Variants in PTPRG observed in about 807,000 individuals in gnomAD.
The protein encoded by PTPRG is receptor-type tyrosine-protein phosphatase gamma.
Under a neutral mutation model 165.3 loss-of-function variants are expected in PTPRG, and 102 were observed. That is an observed-to-expected ratio of 0.62 (90% CI 0.53 to 0.73). PTPRG has a LOEUF of 0.73. Ranked by LOEUF, PTPRG falls within the 30% of genes least tolerant of loss-of-function variation. The probability of loss-of-function intolerance (pLI) is 0.00; values close to 1 mark genes in which losing one functional copy is unlikely to be tolerated. For missense variants in PTPRG, 1,866 were observed against 1,861.4 expected (o/e 1.00, Z -0.05); for synonymous variants, 675 against 669.5 (o/e 1.01, Z -0.13).
chr3:61,792,021 A>C (rs2034891477), intron 2 of PTPRG, among the ~76,000 whole-genome samples: 1 of 152,164 alleles, frequency 6.6e-6, no homozygotes, highest in Non-Finnish European at 1.5e-5. Flanking sequence ...AGTTCTAGAC[A>C]CTGGAATGCC....
chr3:61,928,577 C>T (rs950950272), intron 2 of PTPRG, among the ~76,000 whole-genome samples: 2 of 152,106 alleles, frequency 1.3e-5, no homozygotes, highest in African/African-American at 4.8e-5. Context: ...AGTTTATGAG[C>T]ATTTAAATTA....
At chr3:61,737,366 C>T (rs1214730595) in intron 1 of PTPRG, among the ~76,000 whole-genome samples, 3 of 152,142 alleles carry the variant, frequency 2.0e-5, no homozygotes, top group Non-Finnish European at 4.4e-5. Context: ...AGAGTATATA[C>T]TGTTGAATGC....
chr3:61,708,155 C>T (rs1343536099), intron 1 of PTPRG, among the ~76,000 whole-genome samples: 2 of 151,874 alleles, frequency 1.3e-5, no homozygotes, highest in Admixed American at 1.3e-4. Flanking sequence ...GCTGCTCCTA[C>T]TAACAAAGTA....
At chr3:62,196,525 G>T (rs980982746) in intron 10 of PTPRG, among the ~76,000 whole-genome samples, 1 of 152,178 alleles carries the variant, frequency 6.6e-6, no homozygotes, top group East Asian at 1.9e-4. Context: ...TCTTACTTGC[G>T]CCAACCTAAT....
intron 2 of PTPRG, among the ~76,000 whole-genome samples, chr3:61,785,982 A>G (rs533224546): frequency 6.6e-6 from 1 of 152,080 alleles, no homozygotes; most frequent in Non-Finnish European, 1.5e-5. Context: ...CCCCAGTCAC[A>G]CTTTTTCTGT....
intron 2 of PTPRG, among the ~76,000 whole-genome samples, chr3:61,915,523 G>C (rs907938530): frequency 6.6e-6 from 1 of 152,096 alleles, no homozygotes; most frequent in East Asian, 1.9e-4. Flanking sequence ...AATTAGAGCC[G>C]TGAAATATAT....
chr3:61,725,412 A>T (rs1186060381), intron 1 of PTPRG, among the ~76,000 whole-genome samples: 1 of 151,878 alleles, frequency 6.6e-6, no homozygotes, highest in Non-Finnish European at 1.5e-5. Flanking sequence ...TTATTTTTTA[A>T]ATTTTTTGCC....
chr3:61,728,095 C>G (rs17065235), intron 1 of PTPRG, among the ~76,000 whole-genome samples: 3,478 of 152,272 alleles, frequency 0.023, 132 homozygotes, highest in African/African-American at 0.079. Flanking sequence ...TTATGCCTCT[C>G]AAATTTGCCT....
chr3:61,908,411 C>CAAAAAAAAAA (rs776421819), intron 2 of PTPRG, among the ~76,000 whole-genome samples: 6 of 57,742 alleles, frequency 1.0e-4, no homozygotes, highest in East Asian at 3.9e-4. Flanking sequence ...GGCAACAGAG[C>CAAAAAAAAAA]AAAAAAAAAA....
intron 26 of PTPRG, 25 bp from the exon 27 acceptor site, chr3:62,281,538 C>CTT (rs60919586): frequency 0.14 from 81,158 of 600,122 alleles, 1,021 homozygotes; most frequent in Non-Finnish European, 0.14. Context: ...ACTGCAGAGG[C>CTT]TTTTTTTTTT....
Position 62,228,546 on chromosome 3 carries a change from A to C in PTPRG, c.2289-2679A>C, listed in dbSNP as rs1008229797. On this transcript the variant is annotated intron_variant, in intron 13 of 29. Transcript: ENST00000474889. This position sits in a 1 kb window ranked among gnomAD's most constrained non-coding sequence, Gnocchi z 4.1. ...AAAAAGAAAGAAAGAAAAAAGAAAA[A>C]GAAAAAGGACAAGTGCTCCAGGCAG... Among the ~76,000 whole-genome samples the C allele has an allele frequency of 6.6e-6, 1 of 151,990 alleles. No homozygotes were observed. The highest frequency in any genetic ancestry group is 1.5e-5 in the Non-Finnish European group (1 of 67,974).
intron 1 of PTPRG, among the ~76,000 whole-genome samples, chr3:61,692,951 T>C (rs1195756569): frequency 6.6e-6 from 1 of 152,226 alleles, no homozygotes; most frequent in Non-Finnish European, 1.5e-5. Context: ...TTTTTTGGTA[T>C]GTTGTACATT....
At chr3:61,900,423 C>T (rs1295703263) in intron 2 of PTPRG, among the ~76,000 whole-genome samples, 1 of 152,198 alleles carries the variant, frequency 6.6e-6, no homozygotes. Context: ...TCATTAGACA[C>T]ATCTGTGGAT....
intron 1 of PTPRG, among the ~76,000 whole-genome samples, chr3:61,719,367 T>G (rs1445367376): frequency 6.6e-6 from 1 of 152,134 alleles, no homozygotes; most frequent in African/African-American, 2.4e-5. Flanking sequence ...AACTGGGAGT[T>G]GTGGGGATGA....
intron 8 of PTPRG, among the ~76,000 whole-genome samples, chr3:62,175,700 A>G (rs940120757): frequency 1.3e-5 from 2 of 152,170 alleles, no homozygotes; most frequent in African/African-American, 2.4e-5. Flanking sequence ...AAACAAGTCC[A>G]CTGATGATGG....
intron 4 of PTPRG, among the ~76,000 whole-genome samples, chr3:62,057,866 A>C (rs1009352569): frequency 6.6e-6 from 1 of 152,202 alleles, no homozygotes; most frequent in African/African-American, 2.4e-5. Context: ...GGGAACAAAA[A>C]CAGGGTATTT....
intron 2 of PTPRG, among the ~76,000 whole-genome samples, chr3:61,831,076 A>T (rs1417013859): frequency 6.6e-6 from 1 of 152,236 alleles, no homozygotes; most frequent in Non-Finnish European, 1.5e-5. Flanking sequence ...ATATCGGGTC[A>T]GTGATGGACA....
At chr3:61,564,115 G>T (rs375751641) in intron 1 of PTPRG, among the ~76,000 whole-genome samples, 59 of 152,326 alleles carry the variant, frequency 3.9e-4, no homozygotes, top group African/African-American at 1.4e-3. Flanking sequence ...AGGCCATGGG[G>T]ACATCTCCCC....
At chr3:62,101,066 A>G (rs1275330905) in intron 5 of PTPRG, among the ~76,000 whole-genome samples, 2 of 152,240 alleles carry the variant, frequency 1.3e-5, no homozygotes, top group African/African-American at 4.8e-5. Flanking sequence ...TTTGTTAATA[A>G]TAAATGATTG....
Sources: gnomAD v4.1 joint callset for allele counts (sites outside exome capture counted in the v4.1 genomes callset) on GRCh38, gnomAD v4.1.1 for gene constraint, Gnocchi (gnomAD v3.1) non-coding constraint, MANE v1.5 for transcripts, NCBI Gene and HGNC (gene_info 2026-07-23, HGNC 2026-07-21) for gene names.